The following HHIPL1 variants were observed in gnomAD, a reference collection of about 807,000 sequenced individuals.
HHIPL1 encodes the protein HHIP like 1, also known as HHIP-like protein 1.
HHIPL1 carries 43 observed loss-of-function variants against 61.8 expected under a neutral mutation model. The ratio of observed to expected loss-of-function variants is 0.70; its 90% CI spans 0.55 to 0.90. HHIPL1 has a LOEUF of 0.90. Ranked by LOEUF, HHIPL1 falls within the 40% of genes least tolerant of loss-of-function variation. The pLI, the probability that HHIPL1 is intolerant of heterozygous loss-of-function variation, is 0.00. For missense variants in HHIPL1, 1,056 were observed against 1,157.7 expected, an observed-to-expected ratio of 0.91 and a Z score of 1.28; for synonymous variants, 482 against 515.8, an observed-to-expected ratio of 0.93 and a Z score of 0.89.
At chr14:99,637,023 G>GAAGGAAA in the HHIPL1 span, among the ~76,000 whole-genome samples, 106 of 90,506 alleles carry the variant, frequency 1.2e-3, 4 homozygotes, top group African/African-American at 4.2e-3. Flanking sequence ...AAGAAAGAAA[G>GAAGGAAA]AAAGAAAGAA....
chr14:99,629,929 G>T, the HHIPL1 span, among the ~76,000 whole-genome samples: 2 of 152,204 alleles, frequency 1.3e-5, no homozygotes, highest in African/African-American at 2.4e-5. Flanking sequence ...TTTCCCTTCA[G>T]TTACAGCAGA....
the HHIPL1 span, among the ~76,000 whole-genome samples, chr14:99,631,691 C>T: frequency 6.6e-6 from 1 of 152,144 alleles, no homozygotes; most frequent in Non-Finnish European, 1.5e-5. Flanking sequence ...AATCTCTGGT[C>T]ACTGCAACCT....
the HHIPL1 span, among the ~76,000 whole-genome samples, chr14:99,612,357 C>T: frequency 2.0e-5 from 3 of 152,142 alleles, no homozygotes; most frequent in Non-Finnish European, 4.4e-5. Flanking sequence ...CAAGGCTTAT[C>T]GGGCTCTCAG....
chr14:99,634,522 T>C, the HHIPL1 span, among the ~76,000 whole-genome samples: 1 of 152,238 alleles, frequency 6.6e-6, no homozygotes, highest in Admixed American at 6.5e-5. Context: ...TTTCCCATAC[T>C]TCTCTAACTA....
rs200497537 is a variant in HHIPL1 at position 99,668,270 on chromosome 14, G to A, written c.1697G>A (p.Arg566His). 9.9e-4 allele frequency: 1,600 copies of A among 1,612,662 alleles called. 30 individuals are homozygous for A. In the South Asian group the frequency reaches 0.015, roughly 15 times the overall value. The change falls in exon 7 of 9, where the codon CGC (arginine) becomes CAC (histidine). Residue 566 changes from arginine (R) to histidine (H), a missense_variant. Coordinates refer to ENST00000330710, the MANE Select transcript of HHIPL1 (RefSeq NM_001127258.3). The surrounding 1 kb of genome is among the most constrained non-coding windows in gnomAD (Gnocchi z 4.7). ...STGEPSATAP[R>H]GVVYKIIDAS... The stretch of plus-strand genomic sequence containing the variant: ...GGGGAGCCGAGTGCCACAGCTCCAC[G>A]CGGAGTTGTCTACAAAATAATTGAC...
In HHIPL1 at chr14:99,675,785, T is replaced by G; in HGVS notation, c.*159T>G. 1.5e-6 allele frequency: 1 copy of G among 682,490 alleles called. No individual in the cohort carries two copies. The highest frequency in any genetic ancestry group is 2.3e-6 in the Non-Finnish European group (1 of 438,588). 42.3% of individuals were successfully genotyped at this position (682,490 alleles called of 1,614,324 possible). On this transcript the variant is annotated 3_prime_UTR_variant, in exon 9 of 9. Coordinates refer to ENST00000330710, the MANE Select transcript of HHIPL1 (RefSeq NM_001127258.3). This position sits in a 1 kb window ranked among gnomAD's most constrained non-coding sequence, Gnocchi z 5.4. ...TGTGTGAGGCGCTGCAGTGCATGTGTGTCCTCTGCAGACCCAAGGCAGGAG... is the reference window on the plus strand; with the variant it reads ...TGTGTGAGGCGCTGCAGTGCATGTGGGTCCTCTGCAGACCCAAGGCAGGAG...
chr14:99,655,149 C>T (rs745753246), intron 2 of HHIPL1, among the ~76,000 whole-genome samples: 4 of 152,044 alleles, frequency 2.6e-5, no homozygotes, highest in African/African-American at 4.8e-5. Context: ...GGTGGATGAC[C>T]GAAAGTCTGA....
chr14:99,617,625 A>G, the HHIPL1 span, among the ~76,000 whole-genome samples: 6 of 152,318 alleles, frequency 3.9e-5, no homozygotes, highest in African/African-American at 9.6e-5. Context: ...TTATTTAAAT[A>G]TCAACATAAT....
At chr14:99,636,073 C>T in the HHIPL1 span, among the ~76,000 whole-genome samples, 12 of 152,088 alleles carry the variant, frequency 7.9e-5, no homozygotes, top group East Asian at 1.9e-4. Flanking sequence ...GGTTCAAATC[C>T]GGACCCCTCC....
the HHIPL1 span, among the ~76,000 whole-genome samples, chr14:99,612,796 C>T: frequency 1.3e-5 from 2 of 152,090 alleles, no homozygotes; most frequent in African/African-American, 2.4e-5. Flanking sequence ...GGGGAGTCTG[C>T]AGCTGCACCC....
the HHIPL1 span, among the ~76,000 whole-genome samples, chr14:99,623,682 G>A: frequency 1.3e-5 from 2 of 152,268 alleles, no homozygotes; most frequent in African/African-American, 4.8e-5. Flanking sequence ...CCAAAGTGCT[G>A]GGATTACAGG....
At chr14:99,645,630 G>A (rs1436807958) in intron 1 of HHIPL1, among the ~76,000 whole-genome samples, 168 bp downstream of exon 1, 2 of 152,266 alleles carry the variant, frequency 1.3e-5, no homozygotes, top group Non-Finnish European at 2.9e-5. Context: ...CGCATCCCAG[G>A]ACGACTCTTG....
At chr14:99,633,249 A>G in the HHIPL1 span, among the ~76,000 whole-genome samples, 1 of 152,194 alleles carries the variant, frequency 6.6e-6, no homozygotes, top group Non-Finnish European at 1.5e-5. Flanking sequence ...TGCAGCCCAG[A>G]AGGTCACCCC....
intron 2 of HHIPL1, among the ~76,000 whole-genome samples, chr14:99,654,817 G>C (rs748866930): frequency 6.6e-6 from 1 of 152,210 alleles, no homozygotes; most frequent in African/African-American, 2.4e-5. Flanking sequence ...TGTACAGCCA[G>C]TTCTCCAAGA....
At chr14:99,658,846 T>C (rs1221660120) in intron 3 of HHIPL1, among the ~76,000 whole-genome samples, 1 of 152,106 alleles carries the variant, frequency 6.6e-6, no homozygotes, top group African/African-American at 2.4e-5. Flanking sequence ...TCACCTACTA[T>C]GTGCTGGTCA....
intron 1 of HHIPL1, among the ~76,000 whole-genome samples, chr14:99,646,832 G>GATATAATATA: frequency 8.7e-6 from 1 of 115,010 alleles, no homozygotes; most frequent in Admixed American, 9.5e-5. Context: ...GATATGATAT[G>GATATAATATA]ATATAATATA....
chr14:99,666,508 G>C (rs550645151), intron 6 of HHIPL1, among the ~76,000 whole-genome samples: 1 of 152,194 alleles, frequency 6.6e-6, no homozygotes, highest in Admixed American at 6.5e-5. Flanking sequence ...GACTATGAAC[G>C]CCTGGTTATG....
the HHIPL1 span, among the ~76,000 whole-genome samples, chr14:99,621,127 C>A: frequency 1.3e-5 from 2 of 152,126 alleles, no homozygotes; most frequent in African/African-American, 4.8e-5. Flanking sequence ...GAAACAGGGT[C>A]TTTTTCTGTC....
chr14:99,608,315 C>A, the HHIPL1 span, among the ~76,000 whole-genome samples: 5 of 152,158 alleles, frequency 3.3e-5, no homozygotes, highest in African/African-American at 1.2e-4. Context: ...ATGACAATAA[C>A]CAACACCACC....
Sources: allele counts gnomAD v4.1 joint callset (sites outside exome capture counted in the v4.1 genomes callset), GRCh38; gene constraint gnomAD v4.1.1; non-coding constraint Gnocchi (gnomAD v3.1); transcripts MANE v1.5; gene names NCBI Gene and HGNC (gene_info 2026-07-23, HGNC 2026-07-21).